The following SYNE2 variants were observed in gnomAD, a reference collection of about 807,000 sequenced individuals.
SYNE2 encodes the protein spectrin repeat containing nuclear envelope protein 2.
SYNE2 carries 431 observed loss-of-function variants against 856.3 expected under a neutral mutation model. The ratio of observed to expected loss-of-function variants is 0.50; its 90% confidence interval spans 0.47 to 0.55. The LOEUF is 0.55. Among genes scored for constraint, SYNE2 ranks in the 20% least tolerant of loss-of-function variants. The pLI is 0.00. For synonymous variants in SYNE2, 2,923 were observed against 2,872.3 expected, an observed-to-expected ratio of 1.02 and a Z score of -0.56; for missense variants, 8,129 against 8,023.2, an observed-to-expected ratio of 1.01 and a Z score of -0.50.
intron 2 of SYNE2, among the ~76,000 whole-genome samples, chr14:63,910,933 T>G (rs2095466143): frequency 1.3e-5 from 2 of 152,222 alleles, no homozygotes; most frequent in Non-Finnish European, 2.9e-5. Context: ...AGGAAAAAAT[T>G]GTAAACCAGA....
chr14:63,895,043 A>G (rs2095222259), intron 1 of SYNE2, among the ~76,000 whole-genome samples: 1 of 152,116 alleles, frequency 6.6e-6, no homozygotes, highest in Admixed American at 6.5e-5. Flanking sequence ...TCTTCAAGTG[A>G]TATGGCATTG....
At chr14:64,004,170 G>A (rs570535459) in intron 30 of SYNE2, among the ~76,000 whole-genome samples, 5 of 149,952 alleles carry the variant, frequency 3.3e-5, no homozygotes, top group South Asian at 2.1e-4. Flanking sequence ...GACTACAGGC[G>A]CATGCCACCA....
chr14:63,897,541 T>C (rs1040899685), intron 1 of SYNE2, among the ~76,000 whole-genome samples: 3 of 152,224 alleles, frequency 2.0e-5, no homozygotes, highest in Admixed American at 6.5e-5. Context: ...ACATGCACTT[T>C]TACAGGATTT....
Position 63,990,952 on chromosome 14 carries a change from T to G in SYNE2, c.2483T>G (p.Val828Gly), listed in dbSNP as rs1195896259. 2.5e-6 allele frequency: 4 copies of G among 1,614,070 alleles called. No individual in the cohort carries two copies. The Admixed American group carries it at 5.0e-5, about 20-fold the overall frequency. Reference protein sequence around the residue: ...EAKEKVQINVVKLIAALKNLT... With the variant: ...EAKEKVQINVGKLIAALKNLT... ...TTTTTTGTCTTCAAGATCAATGTGG[T>G]AAAACTCATTGCAGCGTTGAAGAAC... The change falls in exon 21 of 116, where the codon GTA becomes GGA. Residue 828 changes from valine to glycine, a missense_variant. Physicochemically the swap from Val to Gly is moderately radical, Grantham distance 109. Transcript: ENST00000555002.
intron 1 of SYNE2, among the ~76,000 whole-genome samples, chr14:63,869,636 CA>C (rs35258750): frequency 0.019 from 1,458 of 77,396 alleles, 14 homozygotes; most frequent in African/African-American, 0.054. Flanking sequence ...AACTTTGTCT[CA>C]AAAAAAAAAA....
intron 2 of SYNE2, among the ~76,000 whole-genome samples, chr14:63,927,128 A>G (rs1462312051): frequency 6.6e-6 from 1 of 152,236 alleles, no homozygotes; most frequent in Non-Finnish European, 1.5e-5. Flanking sequence ...GATTTTGCTC[A>G]TGTTGCTAAG....
intron 7 of SYNE2, among the ~76,000 whole-genome samples, chr14:63,954,162 G>T (rs2096209729): frequency 6.6e-6 from 1 of 152,048 alleles, no homozygotes; most frequent in Admixed American, 6.6e-5. Context: ...TGTCATGATG[G>T]GTTTTAAGCA....
At chr14:63,777,407 T>C (rs1018170491) in intron 1 of SYNE2, among the ~76,000 whole-genome samples, 1 of 152,180 alleles carries the variant, frequency 6.6e-6, no homozygotes, top group African/African-American at 2.4e-5. Context: ...CAGTGCCTCA[T>C]GTCTGTAATC....
chr14:64,218,164 C>CA (rs1478114132), intron 108 of SYNE2: 5 of 488,522 alleles, frequency 1.0e-5, no homozygotes, highest in Non-Finnish European at 1.9e-5. Context: ...CCATCACTGA[C>CA]ATCTCATCTG....
At chr14:64,180,179 G>T (rs917439840) in intron 96 of SYNE2, among the ~76,000 whole-genome samples, 47 of 152,142 alleles carry the variant, frequency 3.1e-4, no homozygotes, top group African/African-American at 1.1e-3. Context: ...TCAGTTCTCT[G>T]TTCCACTGGT....
intron 97 of SYNE2, among the ~76,000 whole-genome samples, chr14:64,186,800 G>T (rs2098493697): frequency 6.6e-6 from 1 of 152,174 alleles, no homozygotes; most frequent in Non-Finnish European, 1.5e-5. Flanking sequence ...CGCTTTTAAT[G>T]AGCTTTTTTA....
At chr14:63,855,458 C>T (rs1295182125) in intron 1 of SYNE2, among the ~76,000 whole-genome samples, 1 of 152,154 alleles carries the variant, frequency 6.6e-6, no homozygotes, top group African/African-American at 2.4e-5. Flanking sequence ...GCTCTCCTCC[C>T]TACTCGAGTG....
In SYNE2 at chr14:64,007,123, C is replaced by A. The variant is rs1409995045; in HGVS notation, c.4478C>A (p.Ser1493Tyr). 13 of 1,613,750 alleles carry A rather than the reference C, an allele frequency of 8.1e-6. No individual in the cohort carries two copies. The highest frequency in any genetic ancestry group is 1.0e-5 in the Non-Finnish European group (12 of 1,179,672). ...AGACATTTACAAGAAATGGCTAATT[C>A]TCTTCCACACTTCAAAGATGGCAGA... Reference protein sequence around the residue: ...EKRHLQEMANSLPHFKDGREK... With the variant: ...EKRHLQEMANYLPHFKDGREK... Residue 1493 changes from serine to tyrosine, a missense_variant, in exon 31 of 116, where the codon TCT becomes TAT. By Grantham distance (144) the Ser-to-Tyr change is moderately radical (BLOSUM62 -2). Coordinates refer to ENST00000555002, the MANE Select transcript of SYNE2 (RefSeq NM_182914.3).
intron 107 of SYNE2, 48 bp downstream of exon 107, chr14:64,215,402 C>T: frequency 3.8e-6 from 6 of 1,572,306 alleles, no homozygotes; most frequent in Non-Finnish European, 5.3e-6. Context: ...TCCTGTGGCG[C>T]ACACTGCATC....
chr14:64,121,887 AAG>A, intron 68 of SYNE2, 123 bp from the exon 69 acceptor site: 11 of 1,299,498 alleles, frequency 8.5e-6, no homozygotes, highest in Non-Finnish European at 8.6e-6. Flanking sequence ...GAATGCAAGA[AAG>A]AGAAATAGTA....
intron 77 of SYNE2, among the ~76,000 whole-genome samples, 153 bp downstream of exon 77, chr14:64,132,591 G>A (rs541830745): frequency 6.6e-6 from 1 of 152,292 alleles, no homozygotes; most frequent in African/African-American, 2.4e-5. Flanking sequence ...CAGGTTCTGA[G>A]GCCGCTCCCT....
rs2098385481 is a variant in SYNE2 at position 64,167,292 on chromosome 14, C to T, written c.16665C>T (p.Ser5555=). ...SPDIEHLNEV[S]LKLPLSDVAV... ...ATATTGAACATTTGAATGAAGTGAG[C>T]CTCAAGCTCCCACTTAGTGACGTAG... The change falls in exon 91 of 116, where the codon AGC becomes AGT. Residue 5555 remains serine, a synonymous_variant. Coordinates refer to ENST00000555002, the MANE Select transcript of SYNE2 (RefSeq NM_182914.3). The T allele has an allele frequency of 6.2e-7, 1 of 1,614,102 alleles. No homozygotes were observed. Among genetic ancestry groups the T allele is most frequent in the Non-Finnish European group, 8.5e-7 (1 of 1,180,040 alleles).
intron 90 of SYNE2, among the ~76,000 whole-genome samples, chr14:64,166,250 T>C (rs1230097369): frequency 6.6e-6 from 1 of 152,186 alleles, no homozygotes; most frequent in African/African-American, 2.4e-5. Flanking sequence ...TTGTCTATTA[T>C]AGTTTTCACG....
rs141208225 is a variant in SYNE2, at chr14:64,209,893, G to C, written c.18541-49G>C. The C allele has an allele frequency of 1.5e-3, 2,469 of 1,612,510 alleles. 3 individuals carry two copies. The highest frequency in any genetic ancestry group is 2.1e-3 in the Admixed American group (128 of 60,028). ...TTGGGATGTAGAAGGGAAGGAGGGC[G>C]TCCTGGCACTCTGCATGCTTTGGCT... On this transcript the variant is annotated intron_variant, in intron 102 of 115. Transcript: ENST00000555002.
Sources: gnomAD v4.1 joint callset for allele counts (sites outside exome capture counted in the v4.1 genomes callset) on GRCh38, gnomAD v4.1.1 for gene constraint, MANE v1.5 for transcripts, NCBI Gene and HGNC (gene_info 2026-07-23, HGNC 2026-07-21) for gene names.